The following PALS1 variants were observed in gnomAD, a reference collection of about 807,000 sequenced individuals.
PALS1 encodes the protein protein PALS1.
PALS1 carries 31 observed loss-of-function variants against 78.9 expected under a neutral mutation model. The observed-to-expected ratio is 0.39, with a 90% confidence interval of 0.30 to 0.53. PALS1 has a LOEUF of 0.53. PALS1 is among the 20% of genes least tolerant of loss of function. PALS1 has a pLI of 0.67. For missense variants in PALS1, 704 were observed against 826.5 expected (o/e 0.85, Z 1.82); for synonymous variants, 276 against 270.9 (o/e 1.02, Z -0.18).
Position 67,335,830 on chromosome 14 carries a change from T to C in PALS1, c.*2874T>C, listed in dbSNP as rs1447157238. On this transcript the variant is annotated 3_prime_UTR_variant, in exon 15 of 15. Transcript: ENST00000261681. ...AAATTTTAAAAGCCACTAAGCAATTTCTCTTGCTATTTGCTCGGCCACTCA... is the reference window on the plus strand; with the variant it reads ...AAATTTTAAAAGCCACTAAGCAATTCCTCTTGCTATTTGCTCGGCCACTCA... The C allele has an allele frequency of 6.6e-6, 1 of 152,300 alleles. No individual in the cohort carries two copies. Among genetic ancestry groups the C allele is most frequent in the African/African-American group, 2.4e-5 (1 of 41,458 alleles). 9.4% of individuals were successfully genotyped at this position (152,300 alleles called of 1,614,324 possible).
At chr14:67,263,591 C>A (rs1413360253) in intron 1 of PALS1, among the ~76,000 whole-genome samples, 1 of 152,146 alleles carries the variant, frequency 6.6e-6, no homozygotes, top group Admixed American at 6.5e-5. Flanking sequence ...ATAATGGCAA[C>A]AGTTAAATGC....
rs1362947173 is a variant in PALS1 at position 67,334,625 on chromosome 14, A to G, written c.*1669A>G. On this transcript the variant is annotated 3_prime_UTR_variant, in exon 15 of 15. Coordinates refer to ENST00000261681, the MANE Select transcript of PALS1 (RefSeq NM_022474.4). ...TTGCATGGCCTATTAAGTTGGCTGG[A>G]GAGTGTTTTATGTGGAAATATTTTC... 6.6e-6 allele frequency: 1 copy of G among 152,436 alleles called. No homozygotes were observed. Among genetic ancestry groups the G allele is most frequent in the East Asian group, 1.9e-4 (1 of 5,204 alleles). 9.4% of individuals were successfully genotyped at this position (152,436 alleles called of 1,614,324 possible).
chr14:67,276,142 A>C (rs959552393), intron 2 of PALS1, among the ~76,000 whole-genome samples: 1 of 152,140 alleles, frequency 6.6e-6, no homozygotes, highest in African/African-American at 2.4e-5. Flanking sequence ...TATAAAAATG[A>C]ATGTGATCAT....
At chr14:67,249,208 C>T (rs185032502) in intron 1 of PALS1, among the ~76,000 whole-genome samples, 165 of 152,294 alleles carry the variant, frequency 1.1e-3, no homozygotes, top group African/African-American at 3.7e-3. Context: ...GTGATTTGCA[C>T]GTCTCGGCCT....
intron 1 of PALS1, among the ~76,000 whole-genome samples, chr14:67,262,040 C>T (rs2084246704): frequency 6.6e-6 from 1 of 152,118 alleles, no homozygotes; most frequent in African/African-American, 2.4e-5. Context: ...AGGATTTACC[C>T]ATCTGAATTT....
chr14:67,243,489 ATTTTTTT>A (rs55985752), intron 1 of PALS1, among the ~76,000 whole-genome samples: 1 of 100,292 alleles, frequency 1.0e-5, no homozygotes, highest in Admixed American at 1.2e-4. Flanking sequence ...CCAGAATATA[ATTTTTTT>A]TTTTTTTTTT....
intron 1 of PALS1, among the ~76,000 whole-genome samples, chr14:67,254,017 T>G (rs1389569488): frequency 7.1e-6 from 1 of 141,478 alleles, no homozygotes; most frequent in African/African-American, 2.8e-5. Flanking sequence ...TTTTGGGCCT[T>G]ATATTCATCC....
chr14:67,244,015 T>G (rs1228598791), intron 1 of PALS1, among the ~76,000 whole-genome samples: 2 of 152,216 alleles, frequency 1.3e-5, no homozygotes, highest in Non-Finnish European at 2.9e-5. Flanking sequence ...TATTCTAAAT[T>G]CAGTGCTCTT....
chr14:67,334,013 A>G lies in PALS1; in HGVS notation c.*1057A>G, dbSNP rs1426276095. On this transcript the variant is annotated 3_prime_UTR_variant, in exon 15 of 15. Transcript: ENST00000261681. ...ATATTTAATAGATCAACAAATGGTC[A>G]TTGAAAACACTTGTTTAGCATTAGA... 2 of 152,604 alleles carry G rather than the reference A, an allele frequency of 1.3e-5. No homozygotes were observed. Among genetic ancestry groups the G allele is most frequent in the Admixed American group, 1.3e-4 (2 of 15,278 alleles). The allele number at this position is 152,604 out of a possible 1,614,324, so 9.5% of individuals were successfully genotyped here. A position where few individuals can be genotyped will look rare whatever the true frequency, so the allele number is the denominator to read the frequency against.
At chr14:67,279,595 T>C in intron 3 of PALS1, 58 bp downstream of exon 3, 1 of 1,446,886 alleles carries the variant, frequency 6.9e-7, no homozygotes, top group Admixed American at 2.4e-5. Flanking sequence ...CTGTGCCTTA[T>C]AATGTATATG....
intron 1 of PALS1, among the ~76,000 whole-genome samples, chr14:67,267,127 T>G (rs918649040): frequency 1.3e-5 from 2 of 152,024 alleles, no homozygotes; most frequent in African/African-American, 4.8e-5. Flanking sequence ...AATAAATAAA[T>G]AAATATAAAT....
intron 14 of PALS1, among the ~76,000 whole-genome samples, chr14:67,331,180 G>A (rs1224020296): frequency 6.6e-6 from 1 of 152,052 alleles, no homozygotes; most frequent in Non-Finnish European, 1.5e-5. Flanking sequence ...AAGTAGCTGG[G>A]ATTACAGATG....
At chr14:67,303,244 C>G (rs1389994879) in intron 7 of PALS1, among the ~76,000 whole-genome samples, 1 of 152,146 alleles carries the variant, frequency 6.6e-6, no homozygotes, top group Non-Finnish European at 1.5e-5. Context: ...TCACTTTGTA[C>G]ACACGCACAG....
intron 1 of PALS1, among the ~76,000 whole-genome samples, chr14:67,266,549 C>T (rs901427673): frequency 6.6e-6 from 1 of 152,040 alleles, no homozygotes; most frequent in African/African-American, 2.4e-5. Flanking sequence ...TGGTCTCAAA[C>T]TGCTGACCTC....
At chr14:67,257,196 G>A (rs2084158702) in intron 1 of PALS1, among the ~76,000 whole-genome samples, 1 of 152,114 alleles carries the variant, frequency 6.6e-6, no homozygotes, top group Admixed American at 6.5e-5. Flanking sequence ...CTGAATACAC[G>A]GTTTAGTCTG....
intron 12 of PALS1, 130 bp downstream of exon 12, chr14:67,320,527 C>A: frequency 2.4e-6 from 2 of 844,560 alleles, no homozygotes; most frequent in Non-Finnish European, 3.3e-6. Flanking sequence ...GAACTTTAAC[C>A]AAAGATTTTG....
intron 7 of PALS1, among the ~76,000 whole-genome samples, chr14:67,302,969 T>TA (rs2084951289): frequency 6.6e-6 from 1 of 152,228 alleles, no homozygotes; most frequent in Non-Finnish European, 1.5e-5. Context: ...TAATATTAGA[T>TA]AATAACAGTG....
At chr14:67,316,924 A>G (rs1438573993) in intron 10 of PALS1, 21 bp downstream of exon 10, 3 of 1,590,030 alleles carry the variant, frequency 1.9e-6, no homozygotes, top group East Asian at 2.2e-5. Context: ...TGTATTTGAC[A>G]TAAGTAAATG....
chr14:67,319,766 C>A (rs534972613), intron 11 of PALS1, among the ~76,000 whole-genome samples: 1 of 152,202 alleles, frequency 6.6e-6, no homozygotes, highest in Admixed American at 6.6e-5. Flanking sequence ...TTCCAGCTTT[C>A]TCTGATAACA....
Sources: allele counts gnomAD v4.1 joint callset (sites outside exome capture counted in the v4.1 genomes callset), GRCh38; gene constraint gnomAD v4.1.1; transcripts MANE v1.5; gene names NCBI Gene and HGNC (gene_info 2026-07-23, HGNC 2026-07-21).